TNIK: variants seen among roughly 807,000 people sequenced by gnomAD.
TNIK encodes TRAF2 and NCK interacting kinase, also known as TRAF2 and NCK-interacting protein kinase.
In TNIK, 49 loss-of-function variants were observed where a neutral mutation model predicts 191.3. The ratio of observed to expected loss-of-function variants is 0.26; its 90% CI spans 0.20 to 0.32. The LOEUF (loss-of-function observed/expected upper bound fraction) is 0.32, where lower values mean the gene tolerates loss of function less well. TNIK is among the 10% of genes least tolerant of loss of function. The probability of loss-of-function intolerance (pLI) is 1.00; values close to 1 mark genes in which losing one functional copy is unlikely to be tolerated. For synonymous variants in TNIK, 594 were observed against 600.9 expected, an observed-to-expected ratio of 0.99 and a Z score of 0.17; for missense variants, 1,155 against 1,702.3, an observed-to-expected ratio of 0.68 and a Z score of 5.66.
At chr3:171,201,243 T>C (rs2108870944) in intron 4 of TNIK, among the ~76,000 whole-genome samples, 1 of 151,956 alleles carries the variant, frequency 6.6e-6, no homozygotes, top group East Asian at 1.9e-4. Flanking sequence ...CTACTAAAAA[T>C]ACAGAATTAG....
chr3:171,158,120 C>A (rs920743088), intron 11 of TNIK, among the ~76,000 whole-genome samples: 2 of 152,198 alleles, frequency 1.3e-5, no homozygotes, highest in East Asian at 3.9e-4. Flanking sequence ...CACACCAAAC[C>A]CCATGAGGCA....
chr3:171,363,208 C>G (rs1715235249), intron 2 of TNIK, among the ~76,000 whole-genome samples: 1 of 152,158 alleles, frequency 6.6e-6, no homozygotes, highest in South Asian at 2.1e-4. Context: ...AGCCCCATAT[C>G]TCAGGAGTGC....
chr3:171,074,715 T>C (rs987292674), intron 28 of TNIK, among the ~76,000 whole-genome samples: 1 of 152,194 alleles, frequency 6.6e-6, no homozygotes, highest in Non-Finnish European at 1.5e-5. Context: ...TTTATTCTCA[T>C]TTTATATTTT....
At chr3:171,120,419 C>T (rs765128653) in intron 18 of TNIK, among the ~76,000 whole-genome samples, 7 of 149,270 alleles carry the variant, frequency 4.7e-5, no homozygotes, top group South Asian at 2.1e-4. Flanking sequence ...TTCCCGGATT[C>T]GCGCCATTCT....
chr3:171,389,911 C>T (rs73173637), intron 1 of TNIK, among the ~76,000 whole-genome samples: 3,560 of 152,254 alleles, frequency 0.023, 76 homozygotes, highest in Admixed American at 0.038. Context: ...TTCTGCCAAC[C>T]CATTACATCT....
intron 2 of TNIK, among the ~76,000 whole-genome samples, chr3:171,329,652 CTTTT>C (rs1756197375): frequency 6.6e-6 from 1 of 152,052 alleles, no homozygotes; most frequent in Admixed American, 6.5e-5. Context: ...GAATAAATGC[CTTTT>C]TATTTATGCC....
intron 1 of TNIK, among the ~76,000 whole-genome samples, chr3:171,438,738 A>G (rs1726354801): frequency 6.6e-6 from 1 of 152,200 alleles, no homozygotes; most frequent in Admixed American, 6.5e-5. Context: ...TTTTCATAAG[A>G]AAGTGTCTTA....
At chr3:171,110,669 T>G in intron 19 of TNIK, 45 bp downstream of exon 19, 1 of 1,529,272 alleles carries the variant, frequency 6.5e-7, no homozygotes, top group South Asian at 1.3e-5. Flanking sequence ...TCCACAGCTT[T>G]CCTCCCAGGC....
At chr3:171,181,865 A>G (rs139042527) in intron 7 of TNIK, among the ~76,000 whole-genome samples, 254 of 152,358 alleles carry the variant, frequency 1.7e-3, no homozygotes, top group Non-Finnish European at 3.1e-3. Context: ...CCTAAGTGAT[A>G]ATACACATAC....
chr3:171,137,972 A>C (rs1001931181), intron 15 of TNIK, among the ~76,000 whole-genome samples: 4 of 145,194 alleles, frequency 2.8e-5, no homozygotes, highest in Middle Eastern at 3.3e-3. Context: ...GATATACAAA[A>C]AAAAAAAAAA....
intron 18 of TNIK, among the ~76,000 whole-genome samples, chr3:171,113,305 T>C (rs748340951): frequency 1.2e-4 from 19 of 152,172 alleles, no homozygotes; most frequent in Non-Finnish European, 2.4e-4. Flanking sequence ...TTTGGATAAT[T>C]ATTATAAAAT....
chr3:171,208,993 G>A (rs1740451359), intron 4 of TNIK, among the ~76,000 whole-genome samples: 1 of 151,712 alleles, frequency 6.6e-6, no homozygotes. Flanking sequence ...ACCTAAATAA[G>A]TGACCTGATT....
At chr3:171,370,273 A>G (rs540251157) in intron 1 of TNIK, among the ~76,000 whole-genome samples, 2 of 152,292 alleles carry the variant, frequency 1.3e-5, no homozygotes, top group African/African-American at 4.8e-5. Flanking sequence ...ACTTTTGAGG[A>G]TAGCCTCCAG....
At chr3:171,354,332 C>T (rs138121472) in intron 2 of TNIK, among the ~76,000 whole-genome samples, 1,532 of 152,262 alleles carry the variant, frequency 0.01, 14 homozygotes, top group Middle Eastern at 0.082. Flanking sequence ...TAGTTGAGTG[C>T]AACTGCCCAC....
chr3:171,128,680 T>C (rs369238825), intron 16 of TNIK, 34 bp downstream of exon 16: 8 of 1,580,808 alleles, frequency 5.1e-6, no homozygotes, highest in South Asian at 2.3e-5. Flanking sequence ...GTGCAACTTA[T>C]TGGAATGCCT....
intron 1 of TNIK, among the ~76,000 whole-genome samples, chr3:171,435,648 A>G (rs927752892): frequency 1.3e-5 from 2 of 152,236 alleles, no homozygotes; most frequent in African/African-American, 4.8e-5. Flanking sequence ...AAATGATCCC[A>G]TAATTAATGT....
intron 2 of TNIK, among the ~76,000 whole-genome samples, chr3:171,355,305 G>A (rs541272087): frequency 2.7e-4 from 41 of 152,270 alleles, no homozygotes; most frequent in African/African-American, 9.9e-4. Flanking sequence ...AGGCTTTGGT[G>A]ATTGGCTTCT....
chr3:171,294,817 T>G (rs1752082290), intron 2 of TNIK, among the ~76,000 whole-genome samples: 1 of 152,114 alleles, frequency 6.6e-6, no homozygotes, highest in Non-Finnish European at 1.5e-5. Context: ...CTATAACAGA[T>G]GTATCCCCAT....
At chr3:171,269,780 A>G (rs1168052040) in intron 2 of TNIK, among the ~76,000 whole-genome samples, 1 of 152,240 alleles carries the variant, frequency 6.6e-6, no homozygotes, top group African/African-American at 2.4e-5. Flanking sequence ...GGAAGGTGAT[A>G]TGTGACAATC....
Sources: gnomAD v4.1 joint callset for allele counts (sites outside exome capture counted in the v4.1 genomes callset) on GRCh38, gnomAD v4.1.1 for gene constraint, MANE v1.5 for transcripts, NCBI Gene and HGNC (gene_info 2026-07-23, HGNC 2026-07-21) for gene names.